The following NDE1 variants were observed in gnomAD, a reference collection of about 807,000 sequenced individuals.
NDE1 encodes nudE neurodevelopment protein 1, also known as nuclear distribution protein nudE homolog 1.
In NDE1, 28 loss-of-function variants were observed where a neutral mutation model predicts 43.4. That is an observed-to-expected ratio of 0.65 (90% CI 0.48 to 0.89). The LOEUF is 0.89. Ranked by LOEUF, NDE1 falls within the 40% of genes least tolerant of loss-of-function variation. The pLI is 0.00. For synonymous variants in NDE1, 184 were observed against 172.0 expected, an observed-to-expected ratio of 1.07 and a Z score of -0.55; for missense variants, 441 against 434.1, an observed-to-expected ratio of 1.02 and a Z score of -0.14.
chr16:15,678,597 C>T (rs1014950150), intron 4 of NDE1, among the ~76,000 whole-genome samples: 1 of 152,066 alleles, frequency 6.6e-6, no homozygotes, highest in Non-Finnish European at 1.5e-5. Context: ...ACTCCTTAGC[C>T]TCCAAAGTGC....
exon 1 of NDE1, chr16:15,643,919 A>G (rs2036222568): frequency 6.5e-6 from 1 of 152,742 alleles, no homozygotes; most frequent in African/African-American, 2.4e-5. Flanking sequence ...GCAGAAAGGA[A>G]ATCTTACGGT....
At chr16:15,673,853 C>T (rs932507377) in intron 3 of NDE1, among the ~76,000 whole-genome samples, 7 of 152,130 alleles carry the variant, frequency 4.6e-5, no homozygotes, top group Non-Finnish European at 8.8e-5. Context: ...GGAATAGAAT[C>T]GAGAGAGCAC....
intron 8 of NDE1, among the ~76,000 whole-genome samples, chr16:15,706,307 A>C (rs1234410441): frequency 6.6e-6 from 1 of 152,044 alleles, no homozygotes; most frequent in African/African-American, 2.4e-5. Context: ...CAAGCGCTTG[A>C]CTCAGAAGGA....
intron 4 of NDE1, chr16:15,687,162 G>A (rs745679044): frequency 1.2e-4 from 178 of 1,465,544 alleles, no homozygotes; most frequent in Non-Finnish European, 1.4e-4. Flanking sequence ...TGACAGCCTC[G>A]TGCACCCCAT....
intron 4 of NDE1, among the ~76,000 whole-genome samples, chr16:15,679,775 GT>G (rs148104258): frequency 6.6e-6 from 1 of 150,990 alleles, no homozygotes; most frequent in Non-Finnish European, 1.5e-5. Context: ...ACTATTAGTT[GT>G]TTTTTGTTTT....
intron 8 of NDE1, among the ~76,000 whole-genome samples, chr16:15,709,843 A>G (rs1200504383): frequency 6.6e-6 from 1 of 152,158 alleles, no homozygotes; most frequent in Non-Finnish European, 1.5e-5. Flanking sequence ...GCCTCTAGCA[A>G]GAGAGGAGAG....
chr16:15,723,950 C>T (rs2040613407), intron 8 of NDE1, among the ~76,000 whole-genome samples: 1 of 152,214 alleles, frequency 6.6e-6, no homozygotes, highest in African/African-American at 2.4e-5. Flanking sequence ...AGAAAAGTCA[C>T]AGTCATCAAG....
chr16:15,654,602 C>CAAAA (rs200126051), intron 1 of NDE1, among the ~76,000 whole-genome samples: 28 of 75,588 alleles, frequency 3.7e-4, no homozygotes, highest in East Asian at 7.2e-4. Context: ...GATTCCGACT[C>CAAAA]AAAAAAAAAA....
intron 8 of NDE1, among the ~76,000 whole-genome samples, chr16:15,706,810 A>C (rs2039481850): frequency 6.6e-6 from 1 of 152,202 alleles, no homozygotes; most frequent in Admixed American, 6.5e-5. Flanking sequence ...CTATTTGCTA[A>C]CTGGAAAAGC....
chr16:15,718,338 G>T lies in NDE1; in HGVS notation c.948-5853G>T. The T allele has an allele frequency of 6.2e-7, 1 of 1,608,974 alleles. No individual in the cohort carries two copies. Among genetic ancestry groups the T allele is most frequent in the Non-Finnish European group, 8.5e-7 (1 of 1,179,928 alleles). ...ACCTGCTGTGTGGCTTTGCGGACCC[G>T]GTCGCTCATGGCCTCCATGTTGCCC... is the stretch of plus-strand genomic sequence containing the variant. On this transcript the variant is annotated intron_variant, in intron 8 of 8. Coordinates refer to ENST00000396354, the MANE Select transcript of NDE1 (RefSeq NM_017668.3).
At chr16:15,644,136 A>T (rs1476532856) in intron 1 of NDE1, among the ~76,000 whole-genome samples, 1 of 152,240 alleles carries the variant, frequency 6.6e-6, no homozygotes, top group Non-Finnish European at 1.5e-5. Context: ...TGTAAGTTAA[A>T]TCTAGACACG....
rs993441604 is a variant in NDE1 at position 15,721,125 on chromosome 16, G to A, written c.948-3066G>A. On this transcript the variant is annotated intron_variant, in intron 8 of 8. Coordinates refer to ENST00000396354, the MANE Select transcript of NDE1 (RefSeq NM_017668.3). ...GACGATTGAGAAACCCACCGTGAGC[G>A]GCACCTCAGGAGATCAGGGAGGTGG... 38 of 1,517,710 alleles carry A rather than the reference G, an allele frequency of 2.5e-5. 1 individual carries two copies. The East Asian group carries it at 4.3e-4, about 17-fold the overall frequency. 94.0% of individuals were successfully genotyped at this position (1,517,710 alleles called of 1,614,324 possible).
At position 15,724,330 on chromosome 16, in the gene NDE1, T is replaced by G. The variant is rs748003956; in HGVS notation, c.*79T>G. On this transcript the variant is annotated 3_prime_UTR_variant, in exon 9 of 9. Coordinates refer to ENST00000396354, the MANE Select transcript of NDE1 (RefSeq NM_017668.3). Reference sequence around the variant, plus strand: ...CTGCTGGGTGAGGTTCTCGATCTCCTTCTGGAACCTCTTCTTCCCCTCTTC... The same window carrying G: ...CTGCTGGGTGAGGTTCTCGATCTCCGTCTGGAACCTCTTCTTCCCCTCTTC... 1 of 1,614,172 alleles carries G rather than the reference T, an allele frequency of 6.2e-7. No individual in the cohort carries two copies. The highest frequency in any genetic ancestry group is 1.1e-5 in the South Asian group (1 of 91,090).
intron 1 of NDE1, among the ~76,000 whole-genome samples, chr16:15,653,941 G>T (rs747429891): frequency 6.6e-6 from 1 of 151,994 alleles, no homozygotes; most frequent in Non-Finnish European, 1.5e-5. Flanking sequence ...TGTTGCCCAG[G>T]CTGGTCTCTT....
chr16:15,678,215 A>G (rs1449215061), intron 4 of NDE1, among the ~76,000 whole-genome samples: 1 of 152,192 alleles, frequency 6.6e-6, no homozygotes, highest in Non-Finnish European at 1.5e-5. Flanking sequence ...TGGGAGCGTC[A>G]GGCGAGCCTT....
At chr16:15,718,650 G>A in intron 8 of NDE1, 1 of 667,314 alleles carries the variant, frequency 1.5e-6, no homozygotes, top group Non-Finnish European at 2.5e-6. Context: ...GCTGGGATTG[G>A]GATGGGGACC....
At chr16:15,647,068 A>G (rs1182934572), upstream of NDE1, among the ~76,000 whole-genome samples, 1 of 152,200 alleles carries the variant, frequency 6.6e-6, no homozygotes, top group Non-Finnish European at 1.5e-5. Flanking sequence ...ATAAAATTCC[A>G]AGGGGGAAGG....
chr16:15,695,368 A>G, intron 7 of NDE1: 1 of 381,622 alleles, frequency 2.6e-6, no homozygotes. Context: ...ATTAGCCAGG[A>G]ATGGTGGTGG....
rs2039614500 is a variant in NDE1 at position 15,708,837 on chromosome 16, G to A, written c.947+11977G>A. 6.2e-7 allele frequency: 1 copy of A among 1,610,010 alleles called. No homozygotes were observed. The highest frequency in any genetic ancestry group is 8.5e-7 in the Non-Finnish European group (1 of 1,178,470). ...CACTGCGAAGTTTCCTGTGGGGGGG[G>A]CCCTCTGAAACAGAGAGAGAATCCC... On this transcript the variant is annotated intron_variant, in intron 8 of 8. Transcript: ENST00000396354.
Sources: allele counts gnomAD v4.1 joint callset (sites outside exome capture counted in the v4.1 genomes callset), GRCh38; gene constraint gnomAD v4.1.1; transcripts MANE v1.5; gene names NCBI Gene and HGNC (gene_info 2026-07-23, HGNC 2026-07-21).